Variants in CYSTM1 observed in about 807,000 individuals in gnomAD.
CYSTM1 encodes cysteine-rich transmembrane module-containing protein 1.
Under a neutral mutation model 13.1 loss-of-function variants are expected in CYSTM1, and 4 were observed. The ratio of observed to expected loss-of-function variants is 0.31; its 90% CI spans 0.15 to 0.70. The LOEUF (loss-of-function observed/expected upper bound fraction) is 0.70, where lower values mean the gene tolerates loss of function less well. Among genes scored for constraint, CYSTM1 ranks in the 30% least tolerant of loss-of-function variants. CYSTM1 has a pLI of 0.72. For synonymous variants in CYSTM1, 36 were observed against 42.7 expected, an observed-to-expected ratio of 0.84 and a Z score of 0.62; for missense variants, 96 against 121.6, an observed-to-expected ratio of 0.79 and a Z score of 0.99.
intron 2 of CYSTM1, among the ~76,000 whole-genome samples, chr5:140,226,812 G>T (rs1187179268): frequency 6.6e-6 from 1 of 150,568 alleles, no homozygotes; most frequent in East Asian, 1.9e-4. Flanking sequence ...ACACAGGAAA[G>T]GATGAGCCCA....
intron 1 of CYSTM1, among the ~76,000 whole-genome samples, chr5:140,184,261 T>C (rs919843253): frequency 3.3e-5 from 5 of 152,208 alleles, no homozygotes; most frequent in African/African-American, 9.6e-5. Flanking sequence ...GCACAGGTAG[T>C]TCTAACTTAT....
Position 140,243,306 on chromosome 5 carries a change from G to C in CYSTM1, c.189G>C (p.Val63=). 7 of 1,613,016 alleles carry C rather than the reference G, an allele frequency of 4.3e-6. No individual in the cohort carries two copies. Among genetic ancestry groups the C allele is most frequent in the East Asian group, 2.2e-5 (1 of 44,868 alleles). ...CCCTCTTCCCTCTTCTCCCTCCAGTGTATGTGGTAGAAGACCAAAGAAGAG... is the reference window on the plus strand; with the variant it reads ...CCCTCTTCCCTCTTCTCCCTCCAGTCTATGTGGTAGAAGACCAAAGAAGAG... The part of the protein sequence containing the change: ...GGPQEPPKTT[V]YVVEDQRRDE... Residue 63 remains valine, a splice_region_variant and synonymous_variant, in exon 3 of 3, where the codon GTG becomes GTC. Transcript: ENST00000261811.
chr5:140,227,514 C>T (rs1225489387), intron 2 of CYSTM1, among the ~76,000 whole-genome samples: 1 of 152,078 alleles, frequency 6.6e-6, no homozygotes, highest in Non-Finnish European at 1.5e-5. Context: ...GGATTTAAGG[C>T]ATATTTGATA....
chr5:140,206,068 G>A (rs184744626), intron 2 of CYSTM1, among the ~76,000 whole-genome samples: 221 of 152,202 alleles, frequency 1.5e-3, no homozygotes, highest in African/African-American at 5.1e-3. Flanking sequence ...TTGCCCCTGC[G>A]CCCTCTGCTC....
chr5:140,217,894 A>C (rs1347182320), intron 2 of CYSTM1, among the ~76,000 whole-genome samples: 1 of 152,152 alleles, frequency 6.6e-6, no homozygotes, highest in Non-Finnish European at 1.5e-5. Context: ...TACAGTGATA[A>C]GTGGCATTGC....
At chr5:140,212,616 G>A (rs1764381368) in intron 2 of CYSTM1, among the ~76,000 whole-genome samples, 1 of 151,908 alleles carries the variant, frequency 6.6e-6, no homozygotes, top group African/African-American at 2.4e-5. Flanking sequence ...TAATTTTTGT[G>A]AGCCACCATG....
intron 2 of CYSTM1, among the ~76,000 whole-genome samples, chr5:140,221,288 TG>T (rs1764485913): frequency 6.6e-6 from 1 of 152,230 alleles, no homozygotes; most frequent in Non-Finnish European, 1.5e-5. Context: ...TTCACATTGT[TG>T]TGAAACCGTC....
intron 2 of CYSTM1, among the ~76,000 whole-genome samples, chr5:140,213,369 C>T (rs1764393626): frequency 6.6e-6 from 1 of 151,836 alleles, no homozygotes; most frequent in Non-Finnish European, 1.5e-5. Flanking sequence ...ATGTTTTAAG[C>T]AAAGTGTTGG....
intron 1 of CYSTM1, among the ~76,000 whole-genome samples, chr5:140,181,596 C>T (rs1763962976): frequency 6.6e-6 from 1 of 152,220 alleles, no homozygotes; most frequent in African/African-American, 2.4e-5. Flanking sequence ...GATCTTCCCA[C>T]CTCAGTCTCC....
At chr5:140,199,175 A>G (rs1764189610) in intron 2 of CYSTM1, among the ~76,000 whole-genome samples, 1 of 152,302 alleles carries the variant, frequency 6.6e-6, no homozygotes, top group East Asian at 1.9e-4. Flanking sequence ...CATGGTGTAT[A>G]TGTGCCACAT....
chr5:140,216,625 A>G (rs2126665787), intron 2 of CYSTM1, among the ~76,000 whole-genome samples: 1 of 152,284 alleles, frequency 6.6e-6, no homozygotes, highest in African/African-American at 2.4e-5. Flanking sequence ...ACTCCCTTGG[A>G]AAATCTTATC....
intron 1 of CYSTM1, among the ~76,000 whole-genome samples, chr5:140,179,432 G>C (rs968027821): frequency 2.0e-5 from 3 of 151,338 alleles, no homozygotes; most frequent in Non-Finnish European, 4.4e-5. Flanking sequence ...GGTGGCATAC[G>C]CCTGTAATCC....
chr5:140,234,435 TA>T (rs1422673084), intron 2 of CYSTM1, among the ~76,000 whole-genome samples: 3 of 152,266 alleles, frequency 2.0e-5, no homozygotes, highest in Non-Finnish European at 4.4e-5. Context: ...CTTTATCTAT[TA>T]AAAACTCCTG....
At chr5:140,178,880 G>T (rs1000005432) in intron 1 of CYSTM1, among the ~76,000 whole-genome samples, 2 of 151,992 alleles carry the variant, frequency 1.3e-5, no homozygotes, top group African/African-American at 4.8e-5. Flanking sequence ...GGGATTACAG[G>T]CATGAGCTAC....
In CYSTM1 at chr5:140,200,558, T is replaced by G. The variant is rs1245749863; in HGVS notation, c.187+5906T>G. 1.0e-3 allele frequency: 18 copies of G among 17,986 alleles called. 1 individual carries two copies. Among genetic ancestry groups the G allele is most frequent in the South Asian group, 2.8e-3 (3 of 1,070 alleles). 1.1% of individuals were successfully genotyped at this position (17,986 alleles called of 1,614,324 possible). A position where few individuals can be genotyped will look rare whatever the true frequency, so the allele number is the denominator to read the frequency against. On this transcript the variant is annotated intron_variant, in intron 2 of 2. Coordinates refer to ENST00000261811, the MANE Select transcript of CYSTM1 (RefSeq NM_032412.4). The stretch of plus-strand genomic sequence containing the variant: ...TTTCCTTCCACTCTTCCCCCCGGCC[T>G]TTTTTTTTTTTTTTTTTTTTGAGGC...
intron 2 of CYSTM1, among the ~76,000 whole-genome samples, chr5:140,225,890 T>C (rs918010347): frequency 1.2e-4 from 19 of 152,206 alleles, no homozygotes; most frequent in Non-Finnish European, 7.3e-5. Flanking sequence ...CTCCGTTACC[T>C]CCTCTCTACA....
intron 2 of CYSTM1, among the ~76,000 whole-genome samples, chr5:140,218,514 A>G (rs1228065371): frequency 6.6e-6 from 1 of 152,206 alleles, no homozygotes; most frequent in Admixed American, 6.5e-5. Flanking sequence ...TACTAATCTC[A>G]TCCCTATTTT....
At chr5:140,207,617 T>C (rs1389968028) in intron 2 of CYSTM1, among the ~76,000 whole-genome samples, 2 of 152,194 alleles carry the variant, frequency 1.3e-5, no homozygotes, top group Non-Finnish European at 2.9e-5. Context: ...TGATTTTCTG[T>C]TTTTCTTAAA....
At chr5:140,210,979 G>T (rs1329530474) in intron 2 of CYSTM1, among the ~76,000 whole-genome samples, 2 of 152,138 alleles carry the variant, frequency 1.3e-5, no homozygotes, top group Non-Finnish European at 2.9e-5. Context: ...GACTGGACAG[G>T]CTGTGTTTCT....
Sources: allele counts gnomAD v4.1 joint callset (sites outside exome capture counted in the v4.1 genomes callset), GRCh38; gene constraint gnomAD v4.1.1; transcripts MANE v1.5; gene names NCBI Gene and HGNC (gene_info 2026-07-23, HGNC 2026-07-21).